ANO10: variants seen among roughly 807,000 people sequenced by gnomAD.
The protein encoded by ANO10 is anoctamin 10.
A neutral mutation model predicts 74.7 loss-of-function variants in ANO10; 77 were observed. The ratio of observed to expected loss-of-function variants is 1.03; its 90% confidence interval spans 0.86 to 1.25. ANO10 has a LOEUF of 1.25. Ranked by LOEUF, ANO10 falls within the 50% of genes most tolerant of loss-of-function variation. The probability of loss-of-function intolerance (pLI) is 0.00; values close to 1 mark genes in which losing one functional copy is unlikely to be tolerated. For missense variants in ANO10, 721 were observed against 778.1 expected (o/e 0.93, Z 0.87); for synonymous variants, 279 against 284.9 (o/e 0.98, Z 0.21).
intron 1 of ANO10, among the ~76,000 whole-genome samples, chr3:43,679,291 A>G (rs1044906029): frequency 1.3e-5 from 2 of 152,210 alleles, no homozygotes; most frequent in Non-Finnish European, 2.9e-5. Context: ...CCAGGAGATT[A>G]TATCCCGTGC....
chr3:43,455,348 G>A (rs1478868326), intron 11 of ANO10, among the ~76,000 whole-genome samples: 2 of 152,184 alleles, frequency 1.3e-5, no homozygotes, highest in African/African-American at 2.4e-5. Context: ...CAGGCCATGA[G>A]TCAGAGGTAT....
At chr3:43,536,745 C>T (rs2078725822) in intron 11 of ANO10, among the ~76,000 whole-genome samples, 1 of 152,042 alleles carries the variant, frequency 6.6e-6, no homozygotes, top group African/African-American at 2.4e-5. Flanking sequence ...TTTAGATTAA[C>T]TGGTTTTCGG....
chr3:43,690,932 C>G (rs1008467146), intron 1 of ANO10: 2 of 1,521,612 alleles, frequency 1.3e-6, no homozygotes, highest in Non-Finnish European at 1.8e-6. Context: ...CAGCCCGGGG[C>G]GGCCCAGTCG....
intron 1 of ANO10, chr3:43,690,259 A>C (rs1340735184): frequency 1.3e-5 from 2 of 152,184 alleles, no homozygotes; most frequent in African/African-American, 2.4e-5. Context: ...GGGTTTCTTC[A>C]GCTCAGGCTG....
intron 11 of ANO10, among the ~76,000 whole-genome samples, chr3:43,445,050 G>C (rs1375880528): frequency 6.7e-6 from 1 of 149,610 alleles, no homozygotes; most frequent in East Asian, 2.0e-4. Flanking sequence ...ATGAACCCGG[G>C]AGGAGGAGCT....
intron 7 of ANO10, among the ~76,000 whole-genome samples, chr3:43,572,053 A>T (rs2080757008): frequency 6.6e-6 from 1 of 152,196 alleles, no homozygotes. Flanking sequence ...CTGAAGGAAC[A>T]GCACAGCACG....
chr3:43,394,847 A>G (rs938281940), intron 12 of ANO10, among the ~76,000 whole-genome samples: 6 of 152,222 alleles, frequency 3.9e-5, no homozygotes, highest in African/African-American at 1.4e-4. Flanking sequence ...CTTAGGTCTT[A>G]GGGTAAAAAT....
At chr3:43,674,522 C>G (rs1190541913) in intron 1 of ANO10, among the ~76,000 whole-genome samples, 1 of 152,124 alleles carries the variant, frequency 6.6e-6, no homozygotes, top group Non-Finnish European at 1.5e-5. Flanking sequence ...TAAAAACCAA[C>G]AAGTTATGAC....
At chr3:43,605,217 A>T (rs111928018) in intron 2 of ANO10, among the ~76,000 whole-genome samples, 3 of 152,172 alleles carry the variant, frequency 2.0e-5, no homozygotes, top group African/African-American at 7.2e-5. Context: ...TACAGTAAGT[A>T]TACACGATTC....
At chr3:43,372,983 G>T in intron 12 of ANO10, 1 of 870,858 alleles carries the variant, frequency 1.1e-6, no homozygotes, top group African/African-American at 1.7e-5. Flanking sequence ...TCAAGTTCTT[G>T]AAGTCAGCAT....
Position 43,577,169 on chromosome 3 carries a change from C to A in ANO10, c.685G>T (p.Gly229Trp). ...CACACAAACAAGTAGTAAGGTAACC[C>A]AATGACAGCCATGGGGATTAATGCA... ...TFALIPMAVI[G>W]LPYYLFVWED... is the part of the protein sequence containing the mutation. Residue 229 changes from glycine (G) to tryptophan (W), a missense_variant, in exon 6 of 13, where the codon GGG becomes TGG. Physicochemically the swap from Gly to Trp is radical, Grantham distance 184. Transcript: ENST00000292246. 6 of 1,614,092 alleles carry A rather than the reference C, an allele frequency of 3.7e-6. No individual in the cohort carries two copies. Among genetic ancestry groups the A allele is most frequent in the Non-Finnish European group, 5.1e-6 (6 of 1,180,016 alleles).
chr3:43,605,276 T>G (rs2082508233), intron 2 of ANO10, among the ~76,000 whole-genome samples: 1 of 152,216 alleles, frequency 6.6e-6, no homozygotes, highest in Non-Finnish European at 1.5e-5. Context: ...CATGTACTTT[T>G]CTTTATTTTG....
intron 12 of ANO10, among the ~76,000 whole-genome samples, chr3:43,382,788 A>G (rs2092005556): frequency 6.6e-6 from 1 of 152,220 alleles, no homozygotes; most frequent in Non-Finnish European, 1.5e-5. Flanking sequence ...AGACAGGTAA[A>G]TTCCTGGAAA....
chr3:43,678,571 C>T (rs1214617503), intron 1 of ANO10, among the ~76,000 whole-genome samples: 3 of 152,334 alleles, frequency 2.0e-5, no homozygotes, highest in Middle Eastern at 3.4e-3. Flanking sequence ...CACATACCCC[C>T]TGCTTGCTCA....
intron 12 of ANO10, among the ~76,000 whole-genome samples, chr3:43,391,495 TC>T (rs2125717076): frequency 6.6e-6 from 1 of 152,310 alleles, no homozygotes; most frequent in African/African-American, 2.4e-5. Context: ...GCCCCAAGGA[TC>T]CCTGTGCCTC....
At chr3:43,428,449 G>C (rs1326956149) in intron 12 of ANO10, among the ~76,000 whole-genome samples, 6 of 152,134 alleles carry the variant, frequency 3.9e-5, no homozygotes, top group Non-Finnish European at 8.8e-5. Context: ...GGCCCTAAGA[G>C]AGCCTGACAA....
intron 11 of ANO10, among the ~76,000 whole-genome samples, chr3:43,487,116 G>A (rs2076524075): frequency 6.8e-6 from 1 of 147,844 alleles, no homozygotes; most frequent in Non-Finnish European, 1.5e-5. Context: ...TTATTGATTT[G>A]CGTATATTGA....
intron 12 of ANO10, among the ~76,000 whole-genome samples, chr3:43,409,453 AG>A (rs776223958): frequency 1.2e-3 from 185 of 152,242 alleles, no homozygotes; most frequent in Non-Finnish European, 8.5e-4. Flanking sequence ...GTGAGGTGCT[AG>A]GATCGCTTGA....
At chr3:43,476,675 T>G (rs1351631) in intron 11 of ANO10, among the ~76,000 whole-genome samples, 75,064 of 151,986 alleles carry the variant, frequency 0.49, 20,641 homozygotes, top group East Asian at 0.83. Flanking sequence ...GTTTTTTCCC[T>G]TACTTCACCA....
Sources: allele counts gnomAD v4.1 joint callset (sites outside exome capture counted in the v4.1 genomes callset), GRCh38; gene constraint gnomAD v4.1.1; transcripts MANE v1.5; gene names NCBI Gene and HGNC (gene_info 2026-07-23, HGNC 2026-07-21).